The following SIRT1 variants were observed in gnomAD, a reference collection of about 807,000 sequenced individuals.
SIRT1 encodes the protein sirtuin 1, also known as NAD-dependent protein deacetylase sirtuin-1.
A neutral mutation model predicts 67.9 loss-of-function variants in SIRT1; 24 were observed. The ratio of observed to expected loss-of-function variants is 0.35; its 90% CI spans 0.26 to 0.50. The LOEUF is 0.50. Among genes scored for constraint, SIRT1 ranks in the 20% least tolerant of loss-of-function variants. The pLI is 0.98. For missense variants in SIRT1, 873 were observed against 937.2 expected (o/e 0.93, Z 0.89); for synonymous variants, 378 against 350.7 (o/e 1.08, Z -0.87).
chr10:67,894,797 C>T (rs954365455), intron 4 of SIRT1, among the ~76,000 whole-genome samples: 1 of 152,048 alleles, frequency 6.6e-6, no homozygotes, highest in Non-Finnish European at 1.5e-5. Context: ...GCATCCTCCA[C>T]CTCCCGGGTT....
Position 67,884,999 on chromosome 10 carries a change from A to T in SIRT1, c.278A>T (p.Gln93Leu). 1 of 1,304,666 alleles carries T rather than the reference A, an allele frequency of 7.7e-7. No individual in the cohort carries two copies. The highest frequency in any genetic ancestry group is 9.8e-7 in the Non-Finnish European group (1 of 1,020,182). The allele number at this position is 1,304,666 out of a possible 1,614,324, so 80.8% of individuals were successfully genotyped here. ...GCGGCAGGCGGGGAGCAAGAGGCCC[A>T]GGCGACTGCGGCGGCTGGGGAAGGA... ...AAAAGGEQEA[Q>L]ATAAAGEGDN... Residue 93 changes from glutamine to leucine, a missense_variant, in exon 1 of 9, where the codon CAG (glutamine) becomes CTG (leucine). Transcript: ENST00000212015.
intron 6 of SIRT1, among the ~76,000 whole-genome samples, chr10:67,908,857 A>AT (rs1290811152): frequency 6.6e-6 from 1 of 152,200 alleles, no homozygotes; most frequent in African/African-American, 2.4e-5. Context: ...AGCTGAGATC[A>AT]TGCCACTTCA....
At chr10:67,912,064 C>T (rs1842908967) in intron 7 of SIRT1, among the ~76,000 whole-genome samples, 1 of 152,210 alleles carries the variant, frequency 6.6e-6, no homozygotes, top group South Asian at 2.1e-4. Flanking sequence ...GTACCCAGCT[C>T]ACCTTCTTTA....
Position 67,887,341 on chromosome 10 carries a change from G to C in SIRT1, c.431-76G>C, listed in dbSNP as rs900815005. The C allele has an allele frequency of 2.0e-5, 18 of 897,510 alleles. No individual in the cohort carries two copies. In the African/African-American group the frequency reaches 2.6e-4, roughly 13 times the overall value. 55.6% of individuals were successfully genotyped at this position (897,510 alleles called of 1,614,324 possible). On this transcript the variant is annotated intron_variant, in intron 1 of 8. Transcript: ENST00000212015. ...GTTAAATGCTGTACTCGATGAAAAT[G>C]ATTGCTCTATAACCGTTCATACATT...
intron 8 of SIRT1, among the ~76,000 whole-genome samples, chr10:67,915,926 T>TA (rs1399439519): frequency 1.3e-5 from 2 of 152,194 alleles, no homozygotes; most frequent in African/African-American, 2.4e-5. Flanking sequence ...GAGGTACACT[T>TA]ACAAAGATAC....
At chr10:67,897,193 T>TA (rs1179292513) in intron 4 of SIRT1, among the ~76,000 whole-genome samples, 2 of 151,944 alleles carry the variant, frequency 1.3e-5, no homozygotes, top group Non-Finnish European at 2.9e-5. Flanking sequence ...ACCAGTGTGT[T>TA]ACAGTGTGCT....
chr10:67,895,575 C>T (rs1357657647), intron 4 of SIRT1, among the ~76,000 whole-genome samples: 2 of 151,512 alleles, frequency 1.3e-5, no homozygotes, highest in Non-Finnish European at 2.9e-5. Flanking sequence ...ATGATTTTTG[C>T]TACTTATGAG....
At chr10:67,894,528 C>T (rs17525875) in intron 4 of SIRT1, among the ~76,000 whole-genome samples, 2,862 of 152,186 alleles carry the variant, frequency 0.019, 55 homozygotes, top group Admixed American at 0.056. Context: ...AAAATCTCCA[C>T]GTAGCGCAGA....
chr10:67,895,748 G>GTTTTT (rs869039480), intron 4 of SIRT1, among the ~76,000 whole-genome samples: 1 of 60,652 alleles, frequency 1.6e-5, no homozygotes, highest in Non-Finnish European at 2.9e-5. Context: ...TTTTTTTTTT[G>GTTTTT]TTTTTTTTTT....
rs201738393 is a variant in SIRT1, at chr10:67,887,490, C to G, written c.504C>G (p.Ala168=). ...HSCESDEEDR[A]SHASSSDWTP... ...GTGAAAGTGATGAGGAGGATAGAGC[C>G]TCACATGCAAGCTCTAGTGACTGGA... Residue 168 remains alanine (A), a synonymous_variant, in exon 2 of 9, where the codon GCC becomes GCG. Coordinates refer to ENST00000212015, the MANE Select transcript of SIRT1 (RefSeq NM_012238.5). 2 of 1,613,428 alleles carry G rather than the reference C, an allele frequency of 1.2e-6. No homozygotes were observed. Among genetic ancestry groups the G allele is most frequent in the African/African-American group, 2.7e-5 (2 of 74,884 alleles).
intron 4 of SIRT1, chr10:67,906,105 T>G: frequency 7.9e-7 from 1 of 1,267,370 alleles, no homozygotes; most frequent in Non-Finnish European, 1.0e-6. Flanking sequence ...GGACCAAAAT[T>G]GATACTTTTT....
At chr10:67,886,504 T>G (rs1384646202) in intron 1 of SIRT1, among the ~76,000 whole-genome samples, 2 of 146,696 alleles carry the variant, frequency 1.4e-5, no homozygotes, top group Non-Finnish European at 3.0e-5. Context: ...TGCAGTGAGC[T>G]GTGATCCTGC....
intron 8 of SIRT1, among the ~76,000 whole-genome samples, chr10:67,914,160 G>C (rs2394444): frequency 0.97 from 145,397 of 150,492 alleles, 70,402 homozygotes; most frequent in East Asian, 1. Context: ...CAACCTCTGC[G>C]TCCCAGGTTC....
At position 67,916,796 on chromosome 10, in the gene SIRT1, T is replaced by TC; in HGVS notation, c.*203_*204insC. The TC allele has an allele frequency of 2.9e-6, 1 of 350,114 alleles. No homozygotes were observed. Among genetic ancestry groups the TC allele is most frequent in the Non-Finnish European group, 5.2e-6 (1 of 192,942 alleles). The allele number at this position is 350,114 out of a possible 1,614,324, so 21.7% of individuals were successfully genotyped here. On this transcript the variant is annotated 3_prime_UTR_variant, in exon 9 of 9. Transcript: ENST00000212015. ...TGTACAAACTCAACACTAACTTTTTTTTTTTTAAAAAAAAAAAGGTACTAA... is the reference window on the plus strand; with the variant it reads ...TGTACAAACTCAACACTAACTTTTTTCTTTTTTAAAAAAAAAAAGGTACTAA...
At chr10:67,904,123 GTTTGTTTT>G (rs1318317026) in intron 4 of SIRT1, among the ~76,000 whole-genome samples, 9 of 115,448 alleles carry the variant, frequency 7.8e-5, no homozygotes, top group Non-Finnish European at 1.1e-4. Flanking sequence ...AGTTTTTTTT[GTTTGTTTT>G]TTTTTTTTTT....
At chr10:67,906,460 A>T (rs1842821938) in intron 4 of SIRT1, among the ~76,000 whole-genome samples, 1 of 152,136 alleles carries the variant, frequency 6.6e-6, no homozygotes, top group Admixed American at 6.5e-5. Flanking sequence ...TAAAGAAAAA[A>T]ATCTGAATTT....
chr10:67,899,740 A>AT (rs897368572), intron 4 of SIRT1, among the ~76,000 whole-genome samples: 64 of 152,160 alleles, frequency 4.2e-4, no homozygotes, highest in African/African-American at 1.5e-3. Flanking sequence ...AGGTATCTGC[A>AT]TTTTTGTCTT....
intron 4 of SIRT1, among the ~76,000 whole-genome samples, chr10:67,892,691 T>A (rs1414131934): frequency 2.6e-5 from 4 of 152,014 alleles, no homozygotes; most frequent in Non-Finnish European, 5.9e-5. Flanking sequence ...AACCTCTGCC[T>A]CCCAGGTTCA....
At position 67,899,335 on chromosome 10, in the gene SIRT1, T is replaced by C; in HGVS notation, c.943-7455T>C. Among the ~76,000 whole-genome samples the C allele has an allele frequency of 2.7e-5, 4 of 150,788 alleles. 1 individual carries two copies. The highest frequency in any genetic ancestry group is 2.6e-4 in the Admixed American group (4 of 15,108). On this transcript the variant is annotated intron_variant, in intron 4 of 8. Coordinates refer to ENST00000212015, the MANE Select transcript of SIRT1 (RefSeq NM_012238.5). Reference sequence around the variant, plus strand: ...AAAAAGTTATATAAATATATATAATTATATATATATTTGAGACAGGGCCTG... The same window carrying C: ...AAAAAGTTATATAAATATATATAATCATATATATATTTGAGACAGGGCCTG...
Sources: gnomAD v4.1 joint callset for allele counts (sites outside exome capture counted in the v4.1 genomes callset) on GRCh38, gnomAD v4.1.1 for gene constraint, MANE v1.5 for transcripts, NCBI Gene and HGNC (gene_info 2026-07-23, HGNC 2026-07-21) for gene names.